The following DCDC1 variants were observed in gnomAD, a reference collection of about 807,000 sequenced individuals.
DCDC1 encodes the protein doublecortin domain-containing protein 1.
DCDC1 carries 200 observed loss-of-function variants against 178.3 expected under a neutral mutation model. The observed-to-expected ratio is 1.12, with a 90% CI of 1.00 to 1.26. DCDC1 has a LOEUF of 1.26. Ranked by LOEUF, DCDC1 falls within the 50% of genes most tolerant of loss-of-function variation. The pLI is 0.00. For missense variants in DCDC1, 1,983 were observed against 1,749.2 expected (o/e 1.13, Z -2.38); for synonymous variants, 690 against 604.8 (o/e 1.14, Z -2.07).
At chr11:31,054,622 T>C (rs1171897269) in intron 20 of DCDC1, among the ~76,000 whole-genome samples, 1 of 152,178 alleles carries the variant, frequency 6.6e-6, no homozygotes, top group Non-Finnish European at 1.5e-5. Flanking sequence ...AGCACAATAC[T>C]GGTGTAAAAA....
chr11:31,181,362 C>G (rs1448618581), intron 9 of DCDC1, among the ~76,000 whole-genome samples: 1 of 152,212 alleles, frequency 6.6e-6, no homozygotes, highest in Non-Finnish European at 1.5e-5. Flanking sequence ...TGCTTGAGCT[C>G]TGCTAAGGAA....
At chr11:30,955,498 C>T (rs1948718382) in intron 20 of DCDC1, among the ~76,000 whole-genome samples, 1 of 152,164 alleles carries the variant, frequency 6.6e-6, no homozygotes, top group African/African-American at 2.4e-5. Flanking sequence ...GACTTTAACC[C>T]CTTTTCAAAT....
chr11:30,927,058 CA>C (rs1946632424), intron 22 of DCDC1, among the ~76,000 whole-genome samples: 1 of 152,116 alleles, frequency 6.6e-6, no homozygotes, highest in Non-Finnish European at 1.5e-5. Flanking sequence ...CAGTTCTTTC[CA>C]AACCGTAACA....
chr11:30,959,959 C>A (rs958722581), intron 20 of DCDC1, among the ~76,000 whole-genome samples: 1 of 152,052 alleles, frequency 6.6e-6, no homozygotes, highest in African/African-American at 2.4e-5. Context: ...CTGGGATTGC[C>A]CTTCCTAATA....
At chr11:31,362,119 T>C (rs1256564492) in intron 1 of DCDC1, among the ~76,000 whole-genome samples, 1 of 152,142 alleles carries the variant, frequency 6.6e-6, no homozygotes, top group African/African-American at 2.4e-5. Context: ...CTGAATATTA[T>C]GTATATATAT....
intron 25 of DCDC1, among the ~76,000 whole-genome samples, chr11:30,918,302 G>C (rs1946000483): frequency 1.3e-5 from 2 of 152,090 alleles, no homozygotes; most frequent in African/African-American, 4.8e-5. Flanking sequence ...AGTCCATCTT[G>C]CTTTATTAAT....
intron 9 of DCDC1, among the ~76,000 whole-genome samples, chr11:31,239,734 A>T (rs71487991): frequency 6.6e-6 from 1 of 151,946 alleles, no homozygotes; most frequent in Non-Finnish European, 1.5e-5. Flanking sequence ...CAAACAGACA[A>T]TCACAGAGAC....
chr11:31,364,850 A>C (rs1195445946), intron 1 of DCDC1, among the ~76,000 whole-genome samples: 1 of 152,020 alleles, frequency 6.6e-6, no homozygotes, highest in Non-Finnish European at 1.5e-5. Context: ...AAAAAAAAAA[A>C]AGAAGAAAGG....
intron 21 of DCDC1, 40 bp downstream of exon 21, chr11:30,952,405 G>GT: frequency 6.7e-7 from 1 of 1,490,980 alleles, no homozygotes; most frequent in Non-Finnish European, 9.0e-7. Context: ...GGGCCTTAAA[G>GT]TAAGTCTCAA....
chr11:30,934,104 T>C (rs1245547637), intron 21 of DCDC1, among the ~76,000 whole-genome samples: 1 of 152,222 alleles, frequency 6.6e-6, no homozygotes, highest in Non-Finnish European at 1.5e-5. Flanking sequence ...AACTGATGAA[T>C]CTTTGTTGAT....
chr11:31,040,690 A>T (rs1164723541), intron 20 of DCDC1, among the ~76,000 whole-genome samples: 1 of 152,242 alleles, frequency 6.6e-6, no homozygotes, highest in Non-Finnish European at 1.5e-5. Flanking sequence ...GATCTGAGAA[A>T]TGTTGGTGCT....
At chr11:30,932,030 C>A in intron 21 of DCDC1, 78 bp from the exon 22 acceptor site, 1 of 1,337,724 alleles carries the variant, frequency 7.5e-7, no homozygotes, top group Non-Finnish European at 9.8e-7. Context: ...ATATTAAACA[C>A]AGTTTATACC....
At position 30,932,991 on chromosome 11, in the gene DCDC1, CTT is replaced by C. The variant is rs34817365; in HGVS notation, c.2716-1041_2716-1040del. ...GGCAAGGTCCAAGTTTATTCTTTCT[CTT>C]TTTTTTTTTTCCTACTTTCATAAAC... On this transcript the variant is annotated intron_variant, in intron 21 of 38. Coordinates refer to ENST00000684477, the MANE Select transcript of DCDC1 (RefSeq NM_001387274.1). 7.7e-3 allele frequency among the ~76,000 whole-genome samples: 1,114 copies of C among 145,298 alleles called. 2 individuals carry two copies. Among genetic ancestry groups the C allele is most frequent in the Non-Finnish European group, 0.011 (715 of 67,102 alleles).
chr11:31,003,305 G>T (rs904622208), intron 20 of DCDC1, among the ~76,000 whole-genome samples: 1 of 152,008 alleles, frequency 6.6e-6, no homozygotes, highest in East Asian at 1.9e-4. Context: ...TATTTCCACC[G>T]AGGGAGTGGG....
intron 7 of DCDC1, among the ~76,000 whole-genome samples, chr11:31,268,599 C>A (rs956754963): frequency 3.3e-5 from 5 of 152,104 alleles, no homozygotes; most frequent in Non-Finnish European, 5.9e-5. Flanking sequence ...GCATATGTAC[C>A]ACATTTTCTT....
At chr11:31,099,872 C>T (rs573898370) in intron 15 of DCDC1, among the ~76,000 whole-genome samples, 5 of 152,086 alleles carry the variant, frequency 3.3e-5, no homozygotes, top group South Asian at 4.1e-4. Context: ...GCATGCACCA[C>T]CACACCCAGC....
At chr11:31,195,632 T>G (rs1970606920) in intron 9 of DCDC1, among the ~76,000 whole-genome samples, 1 of 152,068 alleles carries the variant, frequency 6.6e-6, no homozygotes, top group Non-Finnish European at 1.5e-5. Context: ...CCTTGGTTTT[T>G]CTTTCATACT....
chr11:31,054,926 G>T (rs1031876657), intron 20 of DCDC1, among the ~76,000 whole-genome samples: 6 of 152,110 alleles, frequency 3.9e-5, no homozygotes, highest in African/African-American at 1.4e-4. Context: ...CATTGGCTTA[G>T]GTAAGGATTT....
intron 15 of DCDC1, among the ~76,000 whole-genome samples, chr11:31,097,857 G>A (rs544177412): frequency 1.6e-4 from 24 of 152,210 alleles, no homozygotes; most frequent in Admixed American, 5.2e-4. Context: ...GTTGTTTGTC[G>A]TTTCCCAGCC....
Sources: gnomAD v4.1 joint callset for allele counts (sites outside exome capture counted in the v4.1 genomes callset) on GRCh38, gnomAD v4.1.1 for gene constraint, MANE v1.5 for transcripts, NCBI Gene and HGNC (gene_info 2026-07-23, HGNC 2026-07-21) for gene names.